WNT2: variants seen among roughly 807,000 people sequenced by gnomAD.
WNT2 encodes the protein protein Wnt-2.
Under a neutral mutation model 36.9 loss-of-function variants are expected in WNT2, and 12 were observed. That is an observed-to-expected ratio of 0.33 (90% CI 0.21 to 0.53). WNT2 has a LOEUF of 0.53. Ranked by LOEUF, WNT2 falls within the 20% of genes least tolerant of loss-of-function variation. The pLI is 0.95. For missense variants in WNT2, 379 were observed against 473.1 expected (o/e 0.80, Z 1.84); for synonymous variants, 163 against 174.6 (o/e 0.93, Z 0.52).
At chr7:117,286,484 T>TC (rs920044229) in intron 4 of WNT2, among the ~76,000 whole-genome samples, 1 of 150,914 alleles carries the variant, frequency 6.6e-6, no homozygotes, top group Non-Finnish European at 1.5e-5. Flanking sequence ...CACCTCCTTC[T>TC]CCCCCCATCC....
rs1795358198 is a variant in WNT2, at chr7:117,322,973, C to G, written c.17G>C (p.Gly6Ala). The part of the protein sequence containing the change: MNAPL[G>A]GIWLWLPLLL... ...CAGAGGGAGCCAGAGCCAGATTCCACCGAGAGGGGCGTTCATATTAACCCC... is the reference window on the plus strand; with the variant it reads ...CAGAGGGAGCCAGAGCCAGATTCCAGCGAGAGGGGCGTTCATATTAACCCC... The change falls in exon 1 of 5, where the codon GGT (glycine) becomes GCT (alanine). Residue 6 changes from glycine (G) to alanine (A), a missense_variant. Transcript: ENST00000265441. The surrounding 1 kb of genome is among the most constrained non-coding windows in gnomAD (Gnocchi z 5.4). 1.2e-6 allele frequency: 2 copies of G among 1,612,986 alleles called. No individual in the cohort carries two copies. Among genetic ancestry groups the G allele is most frequent in the East Asian group, 4.5e-5 (2 of 44,848 alleles).
chr7:117,313,365 C>T (rs192159141), intron 3 of WNT2, among the ~76,000 whole-genome samples: 1 of 152,322 alleles, frequency 6.6e-6, no homozygotes, highest in Non-Finnish European at 1.5e-5. Flanking sequence ...TTATTCCAAT[C>T]AAAAGTAGCC....
At chr7:117,313,371 T>C (rs1412041205) in intron 3 of WNT2, among the ~76,000 whole-genome samples, 1 of 152,242 alleles carries the variant, frequency 6.6e-6, no homozygotes, top group Non-Finnish European at 1.5e-5. Flanking sequence ...CAATCAAAAG[T>C]AGCCTCCTAA....
At chr7:117,295,930 TAAC>T (rs1295400849) in intron 4 of WNT2, among the ~76,000 whole-genome samples, 1 of 152,230 alleles carries the variant, frequency 6.6e-6, no homozygotes, top group Non-Finnish European at 1.5e-5. Context: ...TTCTGGTTAG[TAAC>T]AAGTTTCAAT....
chr7:117,297,823 T>C lies in WNT2; in HGVS notation c.642A>G (p.Ser214=). The change falls in exon 4 of 5, where the codon TCA becomes TCG. Residue 214 remains serine, a synonymous_variant. Transcript: ENST00000265441. ...CCAGCCAGCATGTCCTGAGAGTACA[T>C]GAGCCGCTCACCCCGTGGCACTTGC... The part of the protein sequence containing the change: ...QECKCHGVSG[S]CTLRTCWLAM... 1 of 1,614,164 alleles carries C rather than the reference T, an allele frequency of 6.2e-7. No homozygotes were observed. Among genetic ancestry groups the C allele is most frequent in the Non-Finnish European group, 8.5e-7 (1 of 1,180,002 alleles).
intron 2 of WNT2, among the ~76,000 whole-genome samples, chr7:117,316,364 G>A (rs1200043971): frequency 6.6e-6 from 1 of 152,164 alleles, no homozygotes; most frequent in Admixed American, 6.5e-5. Context: ...TTCAAGTGGA[G>A]CTGTATTTCA....
At chr7:117,302,333 C>CT (rs1415336215) in intron 3 of WNT2, among the ~76,000 whole-genome samples, 2 of 152,066 alleles carry the variant, frequency 1.3e-5, no homozygotes, top group East Asian at 3.8e-4. Flanking sequence ...AATAATACAC[C>CT]TTTTTTGCCT....
intron 4 of WNT2, among the ~76,000 whole-genome samples, chr7:117,282,399 AGAG>A (rs887877688): frequency 7.6e-6 from 1 of 130,750 alleles, no homozygotes; most frequent in Admixed American, 7.5e-5. Flanking sequence ...GGAAAGAGGA[AGAG>A]GAGGAGGAAG....
Position 117,278,193 on chromosome 7 carries a change from T to G in WNT2, c.1045A>C (p.Lys349Gln), listed in dbSNP as rs199964716. 2 of 1,614,206 alleles carry G rather than the reference T, an allele frequency of 1.2e-6. No individual in the cohort carries two copies. Among genetic ancestry groups the G allele is most frequent in the Admixed American group, 3.3e-5 (2 of 60,036 alleles). ...GTCCAGTCAGCGTTCTTGGGGGCCT[T>G]GCATGTGTGCACATCCAGAGCTTCC... ...CLEALDVHTC[K>Q]APKNADWTTA... The change falls in exon 5 of 5, where the codon AAG becomes CAG. Residue 349 changes from lysine (K) to glutamine (Q), a missense_variant. Transcript: ENST00000265441.
At chr7:117,286,074 C>T (rs1377078401) in intron 4 of WNT2, among the ~76,000 whole-genome samples, 1 of 152,018 alleles carries the variant, frequency 6.6e-6, no homozygotes, top group African/African-American at 2.4e-5. Context: ...TTTTGCTTGC[C>T]CATATGTGTT....
chr7:117,292,013 G>A (rs1322919993), intron 4 of WNT2, among the ~76,000 whole-genome samples: 1 of 152,156 alleles, frequency 6.6e-6, no homozygotes, highest in African/African-American at 2.4e-5. Context: ...CCAAACTCAG[G>A]TGAGCCGCCC....
chr7:117,293,139 A>C (rs1281296814), intron 4 of WNT2, among the ~76,000 whole-genome samples: 1 of 152,078 alleles, frequency 6.6e-6, no homozygotes, highest in Non-Finnish European at 1.5e-5. Context: ...AAAACAGAGA[A>C]ACTTATATAA....
intron 2 of WNT2, among the ~76,000 whole-genome samples, chr7:117,316,740 A>G (rs1333801924): frequency 1.3e-5 from 2 of 152,218 alleles, no homozygotes; most frequent in East Asian, 1.9e-4. Flanking sequence ...TCAAAAAAGG[A>G]ATCAATCATG....
At chr7:117,291,834 A>G (rs1045664692) in intron 4 of WNT2, among the ~76,000 whole-genome samples, 11 of 151,920 alleles carry the variant, frequency 7.2e-5, no homozygotes, top group African/African-American at 2.2e-4. Flanking sequence ...CTGGAGTGCA[A>G]TGGTGTGATC....
At chr7:117,313,522 T>C (rs928469175) in intron 3 of WNT2, among the ~76,000 whole-genome samples, 3 of 152,158 alleles carry the variant, frequency 2.0e-5, no homozygotes, top group Admixed American at 2.0e-4. Context: ...TCTTGAAGAG[T>C]TGAAACATTC....
chr7:117,304,610 A>C (rs1794980045), intron 3 of WNT2, among the ~76,000 whole-genome samples: 1 of 151,728 alleles, frequency 6.6e-6, no homozygotes, highest in South Asian at 2.1e-4. Flanking sequence ...TAATTTTTGT[A>C]TTTTCAGTAG....
intron 3 of WNT2, among the ~76,000 whole-genome samples, chr7:117,303,799 A>C (rs1794959401): frequency 2.0e-5 from 3 of 152,198 alleles, no homozygotes; most frequent in African/African-American, 7.2e-5. Context: ...TGTATCAATG[A>C]AGGATGTTCT....
At chr7:117,319,709 T>C (rs966887039) in intron 2 of WNT2, among the ~76,000 whole-genome samples, 2 of 152,226 alleles carry the variant, frequency 1.3e-5, no homozygotes, top group Non-Finnish European at 2.9e-5. Flanking sequence ...ATTAATTTTC[T>C]TTGATTGTGT....
chr7:117,300,080 T>A (rs1794873718), intron 3 of WNT2, among the ~76,000 whole-genome samples: 1 of 152,208 alleles, frequency 6.6e-6, no homozygotes, highest in East Asian at 1.9e-4. Flanking sequence ...TGCCACTAAC[T>A]TTTTTCCAGC....
Sources: allele counts gnomAD v4.1 joint callset (sites outside exome capture counted in the v4.1 genomes callset), GRCh38; gene constraint gnomAD v4.1.1; non-coding constraint Gnocchi (gnomAD v3.1); transcripts MANE v1.5; gene names NCBI Gene and HGNC (gene_info 2026-07-23, HGNC 2026-07-21).